The following SEL1L2 variants were observed in gnomAD, a reference collection of about 807,000 sequenced individuals.
SEL1L2 encodes the protein SEL1L2 adaptor subunit of SYVN1 ubiquitin ligase.
SEL1L2 carries 89 observed loss-of-function variants against 98.8 expected under a neutral mutation model. That is an observed-to-expected ratio of 0.90 (90% CI 0.76 to 1.07). SEL1L2 has a LOEUF of 1.07. Among genes scored for constraint, SEL1L2 ranks in the 50% least tolerant of loss-of-function variants. The pLI, the probability that SEL1L2 is intolerant of heterozygous loss-of-function variation, is 0.00. For synonymous variants in SEL1L2, 262 were observed against 278.5 expected (o/e 0.94, Z 0.59); for missense variants, 788 against 812.0 (o/e 0.97, Z 0.36).
At chr20:13,965,679 G>A (rs1321490367) in intron 1 of SEL1L2, among the ~76,000 whole-genome samples, 3 of 152,044 alleles carry the variant, frequency 2.0e-5, no homozygotes, top group African/African-American at 7.2e-5. Flanking sequence ...CTTTGGTCGG[G>A]CACAGTGGCT....
At chr20:13,963,877 T>C (rs1320171332) in intron 1 of SEL1L2, among the ~76,000 whole-genome samples, 3 of 152,014 alleles carry the variant, frequency 2.0e-5, no homozygotes, top group Non-Finnish European at 4.4e-5. Context: ...TAAATATATA[T>C]ATTTTTTTCC....
intron 5 of SEL1L2, 80 bp from the exon 6 acceptor site, chr20:13,888,592 T>A: frequency 1.5e-6 from 1 of 668,154 alleles, no homozygotes; most frequent in Non-Finnish European, 2.5e-6. Context: ...ATATCTTAAA[T>A]GTCTGCTTCA....
intron 18 of SEL1L2, among the ~76,000 whole-genome samples, chr20:13,853,388 T>A (rs1988599377): frequency 6.6e-6 from 1 of 151,932 alleles, no homozygotes; most frequent in African/African-American, 2.4e-5. Flanking sequence ...TTGTATTTTT[T>A]TTTTTTGTAG....
intron 9 of SEL1L2, 100 bp downstream of exon 9, chr20:13,886,188 A>T (rs781508056): frequency 1.3e-6 from 1 of 792,756 alleles, no homozygotes; most frequent in Non-Finnish European, 1.9e-6. Flanking sequence ...CCCCATTCCT[A>T]TTTAGGATGG....
chr20:13,875,714 T>C (rs2046397289), intron 12 of SEL1L2, among the ~76,000 whole-genome samples: 1 of 152,214 alleles, frequency 6.6e-6, no homozygotes, highest in Non-Finnish European at 1.5e-5. Context: ...CTCATCTCTT[T>C]TGTTTCCTGT....
At chr20:13,991,140 C>T (rs1279326944), upstream of SEL1L2, among the ~76,000 whole-genome samples, 1 of 152,194 alleles carries the variant, frequency 6.6e-6, no homozygotes, top group Non-Finnish European at 1.5e-5. Flanking sequence ...ATACAGACAT[C>T]TCACAAGTGG....
At chr20:13,973,073 C>T (rs1015456021) in intron 1 of SEL1L2, among the ~76,000 whole-genome samples, 5 of 152,132 alleles carry the variant, frequency 3.3e-5, no homozygotes, top group Non-Finnish European at 5.9e-5. Flanking sequence ...TATCACCTCC[C>T]TGTCTGTTTG....
intron 10 of SEL1L2, among the ~76,000 whole-genome samples, chr20:13,884,215 C>T (rs1468439313): frequency 1.3e-5 from 2 of 152,108 alleles, no homozygotes; most frequent in Non-Finnish European, 2.9e-5. Flanking sequence ...GTTTCTATCA[C>T]TTAGCCATTG....
At chr20:13,865,728 G>C (rs1457784291) in intron 15 of SEL1L2, among the ~76,000 whole-genome samples, 1 of 152,058 alleles carries the variant, frequency 6.6e-6, no homozygotes, top group African/African-American at 2.4e-5. Context: ...TTTTGTTTTT[G>C]TCTTGAGGGA....
intron 5 of SEL1L2, among the ~76,000 whole-genome samples, chr20:13,895,325 C>A (rs1364264143): frequency 6.6e-6 from 1 of 151,790 alleles, no homozygotes; most frequent in African/African-American, 2.4e-5. Flanking sequence ...TGCCTGTATT[C>A]CCAGCTACTT....
At chr20:13,911,447 G>A (rs2048202009) in intron 5 of SEL1L2, among the ~76,000 whole-genome samples, 1 of 152,132 alleles carries the variant, frequency 6.6e-6, no homozygotes, top group African/African-American at 2.4e-5. Context: ...TTTTAGTGGA[G>A]GAAACTGTTA....
At position 13,933,978 on chromosome 20, in the gene SEL1L2, A is replaced by T. The variant is rs1183617619; in HGVS notation, c.115-2207T>A. 1.4e-3 allele frequency among the ~76,000 whole-genome samples: 80 copies of T among 58,956 alleles called. 3 individuals are homozygous for T. In the South Asian group the frequency reaches 0.037, roughly 27 times the overall value. The allele number at this position is 58,956 out of a possible 152,430, so 38.7% of individuals were successfully genotyped here. A position where few individuals can be genotyped will look rare whatever the true frequency, so the allele number is the denominator to read the frequency against. On this transcript the variant is annotated intron_variant, in intron 2 of 19. Coordinates refer to ENST00000284951, the MANE Select transcript of SEL1L2 (RefSeq NM_025229.2). ...TAAACCTAAGGTTTTTTTTTTTTTT[A>T]ATTTCCACAGGTTTTGGGAGAACAG...
intron 1 of SEL1L2, among the ~76,000 whole-genome samples, chr20:13,977,389 T>C (rs1164057386): frequency 6.6e-6 from 1 of 152,136 alleles, no homozygotes; most frequent in Non-Finnish European, 1.5e-5. Context: ...TAATGTCACA[T>C]GGTGCACAGA....
chr20:13,964,445 TCA>T (rs1491069763), intron 1 of SEL1L2, among the ~76,000 whole-genome samples: 8 of 79,374 alleles, frequency 1.0e-4, no homozygotes, highest in Admixed American at 1.7e-4. Flanking sequence ...TGCTATCTCT[TCA>T]TTTTTTTTTT....
At chr20:13,899,041 C>G (rs1159985018) in intron 5 of SEL1L2, among the ~76,000 whole-genome samples, 2 of 152,178 alleles carry the variant, frequency 1.3e-5, no homozygotes, top group African/African-American at 4.8e-5. Flanking sequence ...TGTGCGCAGC[C>G]TGTTTTTTAT....
At chr20:13,952,662 T>C (rs2050326679) in intron 2 of SEL1L2, among the ~76,000 whole-genome samples, 1 of 152,198 alleles carries the variant, frequency 6.6e-6, no homozygotes, top group African/African-American at 2.4e-5. Flanking sequence ...CCCGTCTTTC[T>C]AGATGGGTAG....
intron 18 of SEL1L2, among the ~76,000 whole-genome samples, chr20:13,858,361 G>A (rs1333815656): frequency 3.9e-5 from 6 of 151,966 alleles, no homozygotes; most frequent in African/African-American, 7.3e-5. Flanking sequence ...CTCACTGCGA[G>A]GCCCACTCTT....
chr20:13,974,475 CTTTTTT>C (rs11484437), intron 1 of SEL1L2, among the ~76,000 whole-genome samples: 1 of 80,180 alleles, frequency 1.2e-5, no homozygotes, highest in Non-Finnish European at 2.2e-5. Flanking sequence ...CTCTCTCTCT[CTTTTTT>C]TTTTTTTTTT....
intron 1 of SEL1L2, among the ~76,000 whole-genome samples, chr20:13,958,922 C>CAAAA (rs34641853): frequency 1.7e-5 from 2 of 116,752 alleles, no homozygotes; most frequent in African/African-American, 3.6e-5. Context: ...GACTCTGTCT[C>CAAAA]AAAAAAAAAA....
Sources: gnomAD v4.1 joint callset for allele counts (sites outside exome capture counted in the v4.1 genomes callset) on GRCh38, gnomAD v4.1.1 for gene constraint, MANE v1.5 for transcripts, NCBI Gene and HGNC (gene_info 2026-07-23, HGNC 2026-07-21) for gene names.